The following PRKG1 variants were observed in gnomAD, a reference collection of about 807,000 sequenced individuals.
The protein encoded by PRKG1 is cGMP-dependent protein kinase 1.
A neutral mutation model predicts 88.1 loss-of-function variants in PRKG1; 35 were observed. The ratio of observed to expected loss-of-function variants is 0.40; its 90% CI spans 0.30 to 0.53. PRKG1 has a LOEUF of 0.53. PRKG1 is among the 20% of genes least tolerant of loss of function. The probability of loss-of-function intolerance (pLI) is 0.59; values close to 1 mark genes in which losing one functional copy is unlikely to be tolerated. For missense variants in PRKG1, 540 were observed against 839.8 expected, an observed-to-expected ratio of 0.64 and a Z score of 4.41; for synonymous variants, 303 against 292.5, an observed-to-expected ratio of 1.04 and a Z score of -0.37.
chr10:51,822,026 A>G (rs1212895148), intron 4 of PRKG1, among the ~76,000 whole-genome samples: 1 of 152,132 alleles, frequency 6.6e-6, no homozygotes, highest in East Asian at 1.9e-4. Flanking sequence ...GTGTATTCAC[A>G]ATAGACAGGG....
At chr10:51,522,791 A>G (rs926280721) in intron 3 of PRKG1, among the ~76,000 whole-genome samples, 2 of 152,172 alleles carry the variant, frequency 1.3e-5, no homozygotes, top group African/African-American at 4.8e-5. Flanking sequence ...GTCAGTGTCA[A>G]TCATAGGCAA....
intron 5 of PRKG1, among the ~76,000 whole-genome samples, chr10:51,937,919 T>A (rs1842829398): frequency 6.6e-6 from 1 of 152,070 alleles, no homozygotes; most frequent in African/African-American, 2.4e-5. Flanking sequence ...CCCACACTGT[T>A]CCACTGAGTA....
intron 2 of PRKG1, chr10:51,245,440 CT>C (rs1256402619): frequency 2.6e-5 from 4 of 152,018 alleles, no homozygotes; most frequent in African/African-American, 9.7e-5. Flanking sequence ...TAAGGCCTTC[CT>C]TGCAGTAGTT....
chr10:51,475,556 G>T (rs1033751608), intron 3 of PRKG1, among the ~76,000 whole-genome samples: 4 of 152,024 alleles, frequency 2.6e-5, no homozygotes, highest in African/African-American at 9.7e-5. Flanking sequence ...AGTAGTCAGT[G>T]TTATTATTGG....
chr10:52,293,071 T>C (rs1291786524), intron 17 of PRKG1, among the ~76,000 whole-genome samples: 2 of 151,254 alleles, frequency 1.3e-5, no homozygotes, highest in African/African-American at 2.4e-5. Flanking sequence ...AGTCTCAGGA[T>C]ACAAAATCAA....
intron 2 of PRKG1, among the ~76,000 whole-genome samples, chr10:51,285,350 T>G (rs1462608011): frequency 6.6e-6 from 1 of 152,154 alleles, no homozygotes; most frequent in Non-Finnish European, 1.5e-5. Context: ...ATAGTATGTT[T>G]ACTTAGGTTC....
At chr10:51,934,935 C>G (rs1589434662) in intron 5 of PRKG1, among the ~76,000 whole-genome samples, 1 of 152,194 alleles carries the variant, frequency 6.6e-6, no homozygotes, top group East Asian at 1.9e-4. Context: ...GAGAAAGAAA[C>G]AGATGATAGA....
intron 3 of PRKG1, among the ~76,000 whole-genome samples, chr10:51,580,939 T>C (rs1230151631): frequency 2.0e-5 from 3 of 152,106 alleles, no homozygotes; most frequent in Non-Finnish European, 4.4e-5. Context: ...GGGCTCTTTC[T>C]TTGTTCCCAG....
intron 3 of PRKG1, among the ~76,000 whole-genome samples, chr10:51,773,088 A>G (rs1298980882): frequency 6.6e-6 from 1 of 152,114 alleles, no homozygotes; most frequent in African/African-American, 2.4e-5. Context: ...TAAGTGTTTT[A>G]GTCATAAATT....
intron 9 of PRKG1, among the ~76,000 whole-genome samples, chr10:52,231,765 A>T (rs1482670945): frequency 6.6e-6 from 1 of 152,234 alleles, no homozygotes; most frequent in South Asian, 2.1e-4. Flanking sequence ...CTAAGATTGC[A>T]GTGATTCTTA....
At chr10:51,656,057 G>C (rs1174771045) in intron 3 of PRKG1, among the ~76,000 whole-genome samples, 1 of 152,076 alleles carries the variant, frequency 6.6e-6, no homozygotes, top group Non-Finnish European at 1.5e-5. Context: ...CAACATCTAG[G>C]CACTGAGTTT....
intron 4 of PRKG1, among the ~76,000 whole-genome samples, chr10:51,817,041 A>G (rs1160027835): frequency 6.6e-6 from 1 of 152,146 alleles, no homozygotes; most frequent in Non-Finnish European, 1.5e-5. Flanking sequence ...AAAATTTAAG[A>G]ATTTTAATTA....
intron 2 of PRKG1, among the ~76,000 whole-genome samples, chr10:51,167,327 T>C (rs1762033282): frequency 6.6e-6 from 1 of 151,972 alleles, no homozygotes; most frequent in Non-Finnish European, 1.5e-5. Context: ...GTAAACACAA[T>C]AGAAAGGCAG....
intron 2 of PRKG1, chr10:51,320,441 C>T (rs1202236435): frequency 1.4e-5 from 2 of 140,102 alleles, no homozygotes; most frequent in Non-Finnish European, 3.3e-5. Context: ...TTATATTTAA[C>T]TGGTCAGAAG....
intron 1 of PRKG1, among the ~76,000 whole-genome samples, chr10:51,142,993 C>G (rs181040184): frequency 6.6e-6 from 1 of 152,078 alleles, no homozygotes. Context: ...GAGAATACAA[C>G]ATCCATTGTC....
intron 1 of PRKG1, among the ~76,000 whole-genome samples, chr10:51,023,204 G>T (rs955654652): frequency 2.0e-5 from 3 of 152,164 alleles, no homozygotes; most frequent in Non-Finnish European, 4.4e-5. Context: ...ACCTTGTCAA[G>T]CTAGGGGGCA....
chr10:51,933,168 G>A (rs1028780605), intron 5 of PRKG1, among the ~76,000 whole-genome samples: 1 of 152,064 alleles, frequency 6.6e-6, no homozygotes, highest in East Asian at 1.9e-4. Context: ...TTGCTCCAGA[G>A]GTTCAGACTT....
intron 1 of PRKG1, among the ~76,000 whole-genome samples, chr10:51,138,380 A>T (rs995017624): frequency 6.6e-6 from 1 of 152,190 alleles, no homozygotes; most frequent in Non-Finnish European, 1.5e-5. Context: ...AATGAGGCTT[A>T]TATGATGCCA....
chr10:51,535,106 G>A (rs1402066129), intron 3 of PRKG1, among the ~76,000 whole-genome samples: 1 of 152,106 alleles, frequency 6.6e-6, no homozygotes, highest in Non-Finnish European at 1.5e-5. Context: ...AGTGTGGTGT[G>A]TATAGTCAAT....
Sources: allele counts gnomAD v4.1 joint callset (sites outside exome capture counted in the v4.1 genomes callset), GRCh38; gene constraint gnomAD v4.1.1; transcripts MANE v1.5; gene names NCBI Gene and HGNC (gene_info 2026-07-23, HGNC 2026-07-21).